Variants in FAT3 observed in about 807,000 individuals in gnomAD.
The protein encoded by FAT3 is protocadherin Fat 3.
In FAT3, 95 loss-of-function variants were observed where a neutral mutation model predicts 310.2. The ratio of observed to expected loss-of-function variants is 0.31; its 90% CI spans 0.26 to 0.36. The LOEUF is 0.36. FAT3 is among the 10% of genes least tolerant of loss of function. FAT3 has a pLI of 1.00. For missense variants in FAT3, 5,408 were observed against 5,715.6 expected (o/e 0.95, Z 1.74); for synonymous variants, 2,314 against 2,192.9 (o/e 1.06, Z -1.54).
chr11:92,838,900 C>G (rs1948469595), intron 17 of FAT3, among the ~76,000 whole-genome samples: 1 of 152,138 alleles, frequency 6.6e-6, no homozygotes, highest in African/African-American at 2.4e-5. Flanking sequence ...GATTCCTTCC[C>G]TGGTGGTGTT....
chr11:92,255,410 A>G (rs1030965958), intron 1 of FAT3, among the ~76,000 whole-genome samples: 1 of 151,588 alleles, frequency 6.6e-6, no homozygotes, highest in Admixed American at 6.6e-5. Context: ...ACATTTGTCT[A>G]CCTCATTGGA....
intron 3 of FAT3, among the ~76,000 whole-genome samples, chr11:92,537,626 G>T (rs1350698276): frequency 1.3e-5 from 2 of 152,182 alleles, no homozygotes; most frequent in East Asian, 3.9e-4. Flanking sequence ...GAACTGTAGG[G>T]TGCCTATGTG....
At chr11:92,691,366 C>A (rs908028719) in intron 3 of FAT3, among the ~76,000 whole-genome samples, 1 of 152,112 alleles carries the variant, frequency 6.6e-6, no homozygotes, top group Non-Finnish European at 1.5e-5. Flanking sequence ...ACTGAAGAAG[C>A]TCCAGAGTTA....
At chr11:92,703,196 T>C (rs950132240) in intron 4 of FAT3, among the ~76,000 whole-genome samples, 5 of 152,252 alleles carry the variant, frequency 3.3e-5, no homozygotes, top group Non-Finnish European at 7.3e-5. Flanking sequence ...ATTAAGTTTT[T>C]ATAACATTTT....
intron 3 of FAT3, among the ~76,000 whole-genome samples, chr11:92,579,139 A>G (rs1270669737): frequency 1.3e-5 from 2 of 152,134 alleles, no homozygotes; most frequent in Non-Finnish European, 2.9e-5. Context: ...GTTGGTTCTT[A>G]TTAAACTGCT....
chr11:92,635,073 G>A (rs929582453), intron 3 of FAT3, among the ~76,000 whole-genome samples: 4 of 152,110 alleles, frequency 2.6e-5, no homozygotes, highest in African/African-American at 9.7e-5. Flanking sequence ...GGTGAGAAAC[G>A]ATATGCCTAT....
rs755330133 is a variant in FAT3, at chr11:92,799,693, C to A, written c.6680C>A (p.Pro2227His). The A allele has an allele frequency of 6.2e-7, 1 of 1,613,338 alleles. No individual in the cohort carries two copies. Among genetic ancestry groups the A allele is most frequent in the South Asian group, 1.1e-5 (1 of 90,936 alleles). ...GIIYIIIDGD[P>H]FKQFNIDFDT... ...ATATATATCATTATCGATGGGGACC[C>A]TTTTAAACAGTTTAACATTGACTTT... The change falls in exon 10 of 28, where the codon CCT becomes CAT. Residue 2227 changes from proline (P) to histidine (H), a missense_variant. Physicochemically the swap from Pro to His is moderately conservative, Grantham distance 77. Around this residue, in one of 5 missense-constraint regions of FAT3, gnomAD observed 4,588 missense variants for 4,809.8 expected, o/e 0.95. Coordinates refer to ENST00000525166, the MANE Select transcript of FAT3 (RefSeq NM_001367949.2).
chr11:92,646,179 T>A (rs947366519), intron 3 of FAT3, among the ~76,000 whole-genome samples: 2 of 152,154 alleles, frequency 1.3e-5, no homozygotes, highest in Non-Finnish European at 2.9e-5. Context: ...GGTCAGCTGG[T>A]TGATGGACTG....
At chr11:92,741,349 C>A (rs1945502371) in intron 4 of FAT3, among the ~76,000 whole-genome samples, 1 of 152,134 alleles carries the variant, frequency 6.6e-6, no homozygotes, top group Non-Finnish European at 1.5e-5. Flanking sequence ...CCACACCTGG[C>A]CATATACATA....
At chr11:92,850,317 G>A (rs6483192) in intron 19 of FAT3, among the ~76,000 whole-genome samples, 74,103 of 151,926 alleles carry the variant, frequency 0.49, 19,197 homozygotes, top group African/African-American at 0.68. Context: ...GGAGAGGTGT[G>A]GAGGTCCCCA....
At chr11:92,772,953 TA>T (rs1946495932) in intron 6 of FAT3, among the ~76,000 whole-genome samples, 3 of 152,120 alleles carry the variant, frequency 2.0e-5, no homozygotes, top group Admixed American at 1.3e-4. Flanking sequence ...AATGTAAAAA[TA>T]AACCAAAGTT....
intron 1 of FAT3, among the ~76,000 whole-genome samples, chr11:92,242,241 T>G (rs1277471339): frequency 6.6e-6 from 1 of 152,064 alleles, no homozygotes; most frequent in Non-Finnish European, 1.5e-5. Flanking sequence ...TGCTTTAGAC[T>G]TTTATAAAAC....
Position 92,867,168 on chromosome 11 carries a change from C to T in FAT3, c.12086C>T (p.Pro4029Leu), listed in dbSNP as rs1473992762. 1.9e-6 allele frequency: 3 copies of T among 1,592,664 alleles called. No individual in the cohort carries two copies. The highest frequency in any genetic ancestry group is 2.6e-6 in the Non-Finnish European group (3 of 1,172,174). Residue 4029 changes from proline to leucine, a missense_variant, in exon 22 of 28, where the codon CCG becomes CTG. Physicochemically the swap from Pro to Leu is moderately conservative, Grantham distance 98. Around this residue, in one of 5 missense-constraint regions of FAT3, gnomAD observed 4,588 missense variants for 4,809.8 expected, o/e 0.95. Coordinates refer to ENST00000525166, the MANE Select transcript of FAT3 (RefSeq NM_001367949.2). ...TATCCCGACGCCTGCAAGCGCAGCC[C>T]GTGCCAGCACGGGGGCAGCTGCACT... ...VLYPDACKRS[P>L]CQHGGSCTGL...
At chr11:92,337,380 A>G (rs1426937144) in intron 1 of FAT3, among the ~76,000 whole-genome samples, 2 of 152,206 alleles carry the variant, frequency 1.3e-5, no homozygotes, top group East Asian at 1.9e-4. Flanking sequence ...TAAGCCACAT[A>G]AGGCTGGGAG....
intron 17 of FAT3, 22 bp from the exon 18 acceptor site, chr11:92,840,540 T>A: frequency 6.6e-7 from 1 of 1,515,806 alleles, no homozygotes. Flanking sequence ...TCTTCATTTT[T>A]ACTATATACT....
At chr11:92,615,428 G>A (rs1218460288) in intron 3 of FAT3, among the ~76,000 whole-genome samples, 1 of 152,042 alleles carries the variant, frequency 6.6e-6, no homozygotes. Context: ...TGTATTTTTA[G>A]TGGAGACAGG....
intron 4 of FAT3, among the ~76,000 whole-genome samples, chr11:92,720,265 A>G (rs1457429579): frequency 6.6e-6 from 1 of 152,214 alleles, no homozygotes; most frequent in East Asian, 1.9e-4. Context: ...GATCTTCACG[A>G]GCACTTTAAT....
chr11:92,264,537 G>A (rs895035477), intron 1 of FAT3, among the ~76,000 whole-genome samples: 7 of 152,126 alleles, frequency 4.6e-5, no homozygotes, highest in East Asian at 1.9e-4. Context: ...CAGAATAACC[G>A]CTATTGCATA....
intron 22 of FAT3, among the ~76,000 whole-genome samples, chr11:92,869,102 A>G (rs1239420364): frequency 2.6e-5 from 4 of 152,142 alleles, no homozygotes; most frequent in Non-Finnish European, 5.9e-5. Context: ...CTTTCTTCCA[A>G]GGAGAAATAG....
Sources: allele counts gnomAD v4.1 joint callset (sites outside exome capture counted in the v4.1 genomes callset), GRCh38; gene constraint gnomAD v4.1.1; regional missense constraint gnomAD v4.1.1; transcripts MANE v1.5; gene names NCBI Gene and HGNC (gene_info 2026-07-23, HGNC 2026-07-21).